PQBP1: variants seen among roughly 807,000 people sequenced by gnomAD.
PQBP1 encodes polyglutamine-binding protein 1.
In PQBP1, 3 loss-of-function variants were observed where a neutral mutation model predicts 20.9. The observed-to-expected ratio is 0.14, with a 90% CI of 0.07 to 0.37. The LOEUF (loss-of-function observed/expected upper bound fraction) is 0.37, where lower values mean the gene tolerates loss of function less well. Among genes scored for constraint, PQBP1 ranks in the 10% least tolerant of loss-of-function variants. The pLI, the probability that PQBP1 is intolerant of heterozygous loss-of-function variation, is 1.00. For synonymous variants in PQBP1, 83 were observed against 93.8 expected (o/e 0.88, Z 0.67); for missense variants, 162 against 240.3 (o/e 0.67, Z 2.16).
At chrX:48,898,389 G>T in intron 1 of PQBP1, 103 bp from the exon 2 acceptor site, 1 of 741,045 alleles carries the variant, frequency 1.3e-6, no homozygotes, top group South Asian at 2.2e-5. Context: ...CATTTGAGTA[G>T]ATCGGAGTCA....
chrX:48,900,273 TC>T (rs2063385713), intron 2 of PQBP1, among the ~76,000 whole-genome samples: 1 of 93,623 alleles, frequency 1.1e-5, no homozygotes, highest in African/African-American at 3.9e-5. Context: ...CTGGCAATGA[TC>T]ATTGATTTAC....
chrX:48,902,069 T>C (rs188210526), intron 4 of PQBP1, 27 bp downstream of exon 4: 3 of 1,208,982 alleles, frequency 2.5e-6, no homozygotes, highest in African/African-American at 3.5e-5. Flanking sequence ...AAGCGTGCCT[T>C]GAGTGATCTT....
At chrX:48,900,701 C>T (rs962868325) in intron 2 of PQBP1, among the ~76,000 whole-genome samples, 14 of 110,458 alleles carry the variant, frequency 1.3e-4, no homozygotes, top group African/African-American at 4.6e-4. Context: ...GGACTACAGA[C>T]GTGTGCCACT....
rs1557041981 is a variant in PQBP1 at position 48,903,128 on chromosome X, G to A, written c.*44G>A. On this transcript the variant is annotated 3_prime_UTR_variant, in exon 7 of 7. Transcript: ENST00000447146. ...CCTGGGTTAAAATAAAAGCTTTCTG[G>A]TGATCCTGCCCACCATACCTGAGTG... 8.5e-7 allele frequency: 1 copy of A among 1,181,995 alleles called. No homozygotes were observed. Among genetic ancestry groups the A allele is most frequent in the Non-Finnish European group, 1.1e-6 (1 of 880,123 alleles).
intron 5 of PQBP1, 67 bp downstream of exon 5, chrX:48,902,584 T>A: frequency 8.5e-7 from 1 of 1,174,919 alleles, no homozygotes. Context: ...GAGGAAGCCT[T>A]CCCTCAAAAA....
chrX:48,898,785 C>CTTTTTTTTTTTTTT (rs34214032), intron 2 of PQBP1, among the ~76,000 whole-genome samples: 1 of 21,483 alleles, frequency 4.7e-5, no homozygotes, highest in Non-Finnish European at 7.7e-5. Context: ...ATATTTCATT[C>CTTTTTTTTTTTTTT]TTTTTTTTTT....
rs398124212 is a variant in PQBP1, at chrX:48,902,014, G to A, written c.264G>A (p.Ser88=). ...ACCCCAACTCCGTGGTTACCAAATC[G>A]GCCAAGAAGCTCAGAAGCAGTAATG... ...PHDPNSVVTK[S]AKKLRSSNAD... is the part of the protein sequence containing the mutation. Residue 88 remains serine, a synonymous_variant, in exon 4 of 7, where the codon TCG becomes TCA. Transcript: ENST00000447146. 178 of 1,209,652 alleles carry A rather than the reference G, an allele frequency of 1.5e-4. No homozygotes were observed. The Admixed American group carries it at 3.8e-3, about 26-fold the overall frequency.
Position 48,902,951 on chromosome X carries a change from C to T in PQBP1, c.665C>T (p.Pro222Leu). ...AGGGGCACGTGGTCAACAGGACTCC[C>T]CAAGCGGAATGAGGCCAAGACTGGC... Reference protein sequence around the residue: ...APRGTWSTGLPKRNEAKTGAD... With the variant: ...APRGTWSTGLLKRNEAKTGAD... The change falls in exon 7 of 7, where the codon CCC becomes CTC. Residue 222 changes from proline to leucine, a missense_variant. Coordinates refer to ENST00000447146, the MANE Select transcript of PQBP1 (RefSeq NM_001032382.2). 1 of 1,199,677 alleles carries T rather than the reference C, an allele frequency of 8.3e-7. No individual in the cohort carries two copies. Among genetic ancestry groups the T allele is most frequent in the African/African-American group, 1.7e-5 (1 of 57,239 alleles).
intron 4 of PQBP1, 86 bp from the exon 5 acceptor site, chrX:48,902,147 C>T: frequency 8.3e-7 from 1 of 1,207,671 alleles, no homozygotes; most frequent in Non-Finnish European, 1.1e-6. Context: ...CCAGGCGGGC[C>T]CAGCCTCAGG....
rs782625558 is a variant in PQBP1 at position 48,900,347 on chromosome X, G to A, written c.68-843G>A. Among the ~76,000 whole-genome samples, 5 of 78,548 alleles carry A rather than the reference G, an allele frequency of 6.4e-5. No individual in the cohort carries two copies. In the East Asian group the frequency reaches 2.3e-3, roughly 37 times the overall value. 68.2% of individuals were successfully genotyped at this position (78,548 alleles called of 115,157 possible). The stretch of plus-strand genomic sequence containing the variant: ...CTCGCTCTGTCACCTAGGCTGGAGT[G>A]CAGTGGTGCAGTCTTGGCCCACTGC... On this transcript the variant is annotated intron_variant, in intron 2 of 6. Transcript: ENST00000447146.
At chrX:48,899,896 A>G (rs1557040625) in intron 2 of PQBP1, among the ~76,000 whole-genome samples, 1 of 111,977 alleles carries the variant, frequency 8.9e-6, no homozygotes, top group Admixed American at 9.5e-5. Flanking sequence ...CCTTATTGAT[A>G]ACTGACATCT....
rs782762100 is a variant in PQBP1, at chrX:48,902,338, G to A, written c.398G>A (p.Arg133Gln). ...KLDRGHDKSD[R>Q]GHDKSDRDRE... ...GACAGGGGCCACGACAAGTCAGACC[G>A]GGGCCACGACAAGTCTGACAGGGAT... The change falls in exon 5 of 7, where the codon CGG (arginine) becomes CAG (glutamine). Residue 133 changes from arginine to glutamine, a missense_variant. Coordinates refer to ENST00000447146, the MANE Select transcript of PQBP1 (RefSeq NM_001032382.2). 2.5e-6 allele frequency: 3 copies of A among 1,209,141 alleles called. No homozygotes were observed. In the African/African-American group the frequency reaches 5.3e-5, roughly 21 times the overall value.
At chrX:48,901,073 A>C in intron 2 of PQBP1, 117 bp from the exon 3 acceptor site, 1 of 1,084,195 alleles carries the variant, frequency 9.2e-7, no homozygotes, top group Non-Finnish European at 1.2e-6. Flanking sequence ...GCACACACAC[A>C]CACGTGTCTT....
In PQBP1 at chrX:48,903,137, C is replaced by T; in HGVS notation, c.*53C>T. On this transcript the variant is annotated 3_prime_UTR_variant, in exon 7 of 7. Coordinates refer to ENST00000447146, the MANE Select transcript of PQBP1 (RefSeq NM_001032382.2). ...AAATAAAAGCTTTCTGGTGATCCTG[C>T]CCACCATACCTGAGTGCTTCCTTTG... 1 of 1,176,052 alleles carries T rather than the reference C, an allele frequency of 8.5e-7. No homozygotes were observed.
At chrX:48,900,197 G>C (rs1377632807) in intron 2 of PQBP1, among the ~76,000 whole-genome samples, 2 of 106,517 alleles carry the variant, frequency 1.9e-5, no homozygotes, top group Non-Finnish European at 3.9e-5. Flanking sequence ...CTTGCAGTGA[G>C]CCGAGATCAT....
At chrX:48,899,047 G>A (rs1219254457) in intron 2 of PQBP1, among the ~76,000 whole-genome samples, 1 of 102,053 alleles carries the variant, frequency 9.8e-6, no homozygotes, top group African/African-American at 3.7e-5. Context: ...GCGTGATCTC[G>A]TCTCACTGCA....
intron 4 of PQBP1, 78 bp downstream of exon 4, chrX:48,902,120 CAG>C: frequency 7.4e-6 from 9 of 1,208,738 alleles, no homozygotes; most frequent in Non-Finnish European, 1.0e-5. Flanking sequence ...GATAGTGGAT[CAG>C]AGGGGCAGGT....
Position 48,901,374 on chromosome X carries a change from G to T in PQBP1, c.179+73G>T, listed in dbSNP as rs2063406846. 6.0e-6 allele frequency: 7 copies of T among 1,163,920 alleles called. No homozygotes were observed. The Admixed American group carries it at 1.8e-4, about 30-fold the overall frequency. ...GCTGACCTTGGTTGTGAGGTTTAGG[G>T]GGACACAAGGGAGGGAGCCTCGGGT... On this transcript the variant is annotated intron_variant, in intron 3 of 6. Coordinates refer to ENST00000447146, the MANE Select transcript of PQBP1 (RefSeq NM_001032382.2).
At chrX:48,898,881 C>T (rs375138224) in intron 2 of PQBP1, among the ~76,000 whole-genome samples, 1 of 91,346 alleles carries the variant, frequency 1.1e-5, no homozygotes, top group African/African-American at 4.2e-5. Context: ...TCTCGGCTCA[C>T]TAAAACCTCC....
Sources: gnomAD v4.1 joint callset for allele counts (sites outside exome capture counted in the v4.1 genomes callset) on GRCh38, gnomAD v4.1.1 for gene constraint, MANE v1.5 for transcripts, NCBI Gene and HGNC (gene_info 2026-07-23, HGNC 2026-07-21) for gene names.